Variants in ELL2 observed in about 807,000 individuals in gnomAD.
ELL2 encodes the protein elongation factor for RNA polymerase II 2, also known as RNA polymerase II elongation factor ELL2.
In ELL2, 21 loss-of-function variants were observed where a neutral mutation model predicts 72.8. The ratio of observed to expected loss-of-function variants is 0.29; its 90% CI spans 0.20 to 0.42. The LOEUF is 0.42. Among genes scored for constraint, ELL2 ranks in the 10% least tolerant of loss-of-function variants. The pLI is 1.00. For missense variants in ELL2, 568 were observed against 772.8 expected (o/e 0.73, Z 3.14); for synonymous variants, 266 against 283.2 (o/e 0.94, Z 0.61).
chr5:95,939,008 T>C (rs1181408161), intron 2 of ELL2, among the ~76,000 whole-genome samples: 2 of 152,182 alleles, frequency 1.3e-5, no homozygotes, highest in African/African-American at 2.4e-5. Flanking sequence ...ATGGGCATTA[T>C]TCACTATTGA....
rs1561504462 is a variant in ELL2, at chr5:95,927,460, CGTGTGTATATAGACATACACACACGT to C, written c.196-7941_196-7916del. Among the ~76,000 whole-genome samples, 13 of 33,398 alleles carry C rather than the reference CGTGTGTATATAGACATACACACACGT, an allele frequency of 3.9e-4. 3 individuals carry two copies. Among genetic ancestry groups the C allele is most frequent in the Non-Finnish European group, 5.8e-4 (12 of 20,832 alleles). 21.9% of individuals were successfully genotyped at this position (33,398 alleles called of 152,430 possible). On this transcript the variant is annotated intron_variant, in intron 2 of 11. Transcript: ENST00000237853. ...GTGTGTATATAGACATACACACACACGTGTGTATATAGACATACACACACGTGTGTATATAGACATACACACACGTG... is the reference window on the plus strand; with the variant it reads ...GTGTGTATATAGACATACACACACACGTGTATATAGACATACACACACGTG...
Position 95,919,463 on chromosome 5 carries a change from G to A in ELL2, c.278C>T (p.Pro93Leu). Residue 93 changes from proline (P) to leucine (L), a missense_variant, in exon 3 of 12, where the codon CCT (proline) becomes CTT (leucine). Physicochemically the swap from Pro to Leu is moderately conservative, Grantham distance 98. Transcript: ENST00000237853. ...FYLSNVGKDN[P>L]QGSFDCIQQT... ...CTGGATGCAGTCAAAGCTGCCCTGA[G>A]GGTTGTCTTTGCCCACATTTGACAA... The A allele has an allele frequency of 6.3e-7, 1 of 1,598,046 alleles. No homozygotes were observed. Among genetic ancestry groups the A allele is most frequent in the Non-Finnish European group, 8.5e-7 (1 of 1,174,776 alleles).
chr5:95,895,699 GA>G lies in ELL2; in HGVS notation c.1526-9del, dbSNP rs756339698. ...TGCAATCCTCTTTAACTCCTATGAA[GA>G]AAAAAAACAAAATCAGAGCATTCAT... is the stretch of plus-strand genomic sequence containing the variant. On this transcript the variant is annotated splice_polypyrimidine_tract_variant and intron_variant, in intron 8 of 11. Transcript: ENST00000237853. 1.2e-6 allele frequency: 2 copies of G among 1,609,428 alleles called. No individual in the cohort carries two copies. The highest frequency in any genetic ancestry group is 1.7e-6 in the Non-Finnish European group (2 of 1,177,456).
chr5:95,932,151 TTTG>T (rs1265298968), intron 2 of ELL2, among the ~76,000 whole-genome samples: 8 of 152,112 alleles, frequency 5.3e-5, no homozygotes, highest in Non-Finnish European at 1.2e-4. Flanking sequence ...GTCAAATTTG[TTTG>T]TTAATTTTCT....
chr5:95,915,196 G>A (rs1048726795), intron 3 of ELL2, among the ~76,000 whole-genome samples: 34 of 152,272 alleles, frequency 2.2e-4, no homozygotes, highest in African/African-American at 7.5e-4. Flanking sequence ...TCTGCCTCCC[G>A]GGTTCAAGTG....
chr5:95,927,764 TAC>T lies in ELL2; in HGVS notation c.196-8221_196-8220del, dbSNP rs200681140. Among the ~76,000 whole-genome samples, 111 of 70,138 alleles carry T rather than the reference TAC, an allele frequency of 1.6e-3. 13 individuals carry two copies. The highest frequency in any genetic ancestry group is 7.8e-3 in the East Asian group (4 of 510). 46.0% of individuals were successfully genotyped at this position (70,138 alleles called of 152,430 possible). On this transcript the variant is annotated intron_variant, in intron 2 of 11. Transcript: ENST00000237853. ...ACACACATATGTGTGTATATAGACA[TAC>T]ACACACACATATGTGTGTATATAGA...
At chr5:95,957,779 A>T (rs766996330) in intron 1 of ELL2, among the ~76,000 whole-genome samples, 46 of 152,346 alleles carry the variant, frequency 3.0e-4, no homozygotes, top group Non-Finnish European at 5.6e-4. Context: ...TTTGAAAAAA[A>T]ACAAGATTTC....
intron 10 of ELL2, among the ~76,000 whole-genome samples, chr5:95,889,895 G>T (rs868126942): frequency 1.5e-5 from 2 of 132,914 alleles, no homozygotes; most frequent in South Asian, 2.9e-4. Context: ...GTGAGGGGGG[G>T]AGTCAGGTGC....
At position 95,888,174 on chromosome 5, in the gene ELL2, A is replaced by T. The variant is rs1371991736; in HGVS notation, c.*697T>A. 6.6e-6 allele frequency: 1 copy of T among 152,590 alleles called. No individual in the cohort carries two copies. The highest frequency in any genetic ancestry group is 1.5e-5 in the Non-Finnish European group (1 of 68,058). The allele number at this position is 152,590 out of a possible 1,614,324, so 9.5% of individuals were successfully genotyped here. On this transcript the variant is annotated 3_prime_UTR_variant, in exon 12 of 12. Transcript: ENST00000237853. ...AGTATGCTTCCCATTGCTCTAATCA[A>T]GTGGGAAGCAGTGTAGCTAATGATT...
rs1748428410 is a variant in ELL2, at chr5:95,885,343, TTCAG to T, written c.*3524_*3527del. ...AACATTGATAGCATCTCCTGTGGCCTTCAGTTAGTAGTGCCAGTTAATATTGTTT... is the reference window on the plus strand; with the variant it reads ...AACATTGATAGCATCTCCTGTGGCCTTTAGTAGTGCCAGTTAATATTGTTT... On this transcript the variant is annotated 3_prime_UTR_variant, in exon 12 of 12. Coordinates refer to ENST00000237853, the MANE Select transcript of ELL2 (RefSeq NM_012081.6). 1 of 152,232 alleles carries T rather than the reference TTCAG, an allele frequency of 6.6e-6. No individual in the cohort carries two copies. Among genetic ancestry groups the T allele is most frequent in the South Asian group, 2.1e-4 (1 of 4,830 alleles). 9.4% of individuals were successfully genotyped at this position (152,232 alleles called of 1,614,324 possible).
At chr5:95,942,596 TA>T (rs566337004) in intron 2 of ELL2, among the ~76,000 whole-genome samples, 83 of 152,236 alleles carry the variant, frequency 5.5e-4, no homozygotes, top group Middle Eastern at 3.4e-3. Context: ...ATATACAACT[TA>T]AAAAAGTGCA....
At chr5:95,927,931 T>C (rs1750454732) in intron 2 of ELL2, among the ~76,000 whole-genome samples, 1 of 151,318 alleles carries the variant, frequency 6.6e-6, no homozygotes, top group Non-Finnish European at 1.5e-5. Flanking sequence ...TTAAATACTG[T>C]ACAACTGACC....
intron 1 of ELL2, among the ~76,000 whole-genome samples, chr5:95,948,527 C>T (rs1751263229): frequency 6.6e-6 from 1 of 150,672 alleles, no homozygotes. Context: ...AGAGAGCCAC[C>T]AGGAAAAAGT....
At position 95,917,345 on chromosome 5, in the gene ELL2, G is replaced by A. The variant is rs561821437; in HGVS notation, c.317+2079C>T. ...TGTATTTGTTGAACATTTATTTACT[G>A]AGCATCTGTTTTTACCCTTTTATCT... On this transcript the variant is annotated intron_variant, in intron 3 of 11. Transcript: ENST00000237853. Among the ~76,000 whole-genome samples, 4 of 152,276 alleles carry A rather than the reference G, an allele frequency of 2.6e-5. No homozygotes were observed. The South Asian group carries it at 6.2e-4, about 24-fold the overall frequency.
chr5:95,897,556 T>C (rs1267507841), intron 8 of ELL2, among the ~76,000 whole-genome samples: 2 of 152,258 alleles, frequency 1.3e-5, no homozygotes, highest in African/African-American at 2.4e-5. Context: ...TTTGGATCTC[T>C]AGATATTTAG....
At chr5:95,961,413 C>T (rs980383467) in intron 1 of ELL2, among the ~76,000 whole-genome samples, 162 bp downstream of exon 1, 6 of 151,652 alleles carry the variant, frequency 4.0e-5, no homozygotes, top group African/African-American at 1.2e-4. Flanking sequence ...CCCGGGACCG[C>T]GGCGTCAGCC....
intron 2 of ELL2, among the ~76,000 whole-genome samples, chr5:95,941,382 GGTCTAAGA>G (rs944788629): frequency 1.3e-5 from 2 of 152,074 alleles, no homozygotes; most frequent in African/African-American, 4.8e-5. Flanking sequence ...TAGAAAAGGT[GGTCTAAGA>G]TTTCAAATAT....
At chr5:95,959,411 A>G (rs1195018735) in intron 1 of ELL2, among the ~76,000 whole-genome samples, 2 of 151,922 alleles carry the variant, frequency 1.3e-5, no homozygotes, top group Non-Finnish European at 2.9e-5. Flanking sequence ...ACATCCCCAG[A>G]CCTACCTTCT....
rs146650571 is a variant in ELL2 at position 95,919,348 on chromosome 5, A to G, written c.317+76T>C. The G allele has an allele frequency of 6.7e-6, 10 of 1,499,428 alleles. No individual in the cohort carries two copies. In the East Asian group the frequency reaches 2.4e-4, roughly 36 times the overall value. 92.9% of individuals were successfully genotyped at this position (1,499,428 alleles called of 1,614,324 possible). On this transcript the variant is annotated intron_variant, in intron 3 of 11. Transcript: ENST00000237853. ...ACACGTTTATGGATGAATATTATGT[A>G]TTGTATTGTTTAATTTTCTAAAACC...
Sources: allele counts gnomAD v4.1 joint callset (sites outside exome capture counted in the v4.1 genomes callset), GRCh38; gene constraint gnomAD v4.1.1; transcripts MANE v1.5; gene names NCBI Gene and HGNC (gene_info 2026-07-23, HGNC 2026-07-21).